The following JAKMIP3 variants were observed in gnomAD, a reference collection of about 807,000 sequenced individuals.
JAKMIP3 encodes the protein Janus kinase and microtubule interacting protein 3.
JAKMIP3 carries 58 observed loss-of-function variants against 118.5 expected under a neutral mutation model. That is an observed-to-expected ratio of 0.49 (90% confidence interval 0.40 to 0.61). The LOEUF is 0.61. JAKMIP3 is among the 20% of genes least tolerant of loss of function. The pLI, the probability that JAKMIP3 is intolerant of heterozygous loss-of-function variation, is 0.00. For missense variants in JAKMIP3, 950 were observed against 1,109.0 expected, an observed-to-expected ratio of 0.86 and a Z score of 2.04; for synonymous variants, 486 against 451.2, an observed-to-expected ratio of 1.08 and a Z score of -0.98.
intron 3 of JAKMIP3, 98 bp from the exon 4 acceptor site, chr10:132,133,214 T>A (rs773828778): frequency 9.3e-6 from 10 of 1,070,952 alleles, no homozygotes; most frequent in Non-Finnish European, 1.4e-5. Flanking sequence ...TTGCTTCCGG[T>A]CTCAGAGCCC....
Position 132,117,616 on chromosome 10 carries a change from G to A in JAKMIP3, c.633+42G>A. On this transcript the variant is annotated intron_variant, in intron 3 of 23. Coordinates refer to ENST00000684848, the MANE Select transcript of JAKMIP3 (RefSeq NM_001323087.2). This position sits in a 1 kb window ranked among gnomAD's most constrained non-coding sequence, Gnocchi z 8.6. ...GGGCGGGCGTGGGCGAGGGTGCAGG[G>A]GCGGGCGTGGGCGAGGGTGCAGGGG... 1 of 1,081,200 alleles carries A rather than the reference G, an allele frequency of 9.2e-7. No homozygotes were observed. Among genetic ancestry groups the A allele is most frequent in the African/African-American group, 1.5e-5 (1 of 66,580 alleles). 67.0% of individuals were successfully genotyped at this position (1,081,200 alleles called of 1,614,324 possible).
chr10:132,138,204 C>A (rs779413195), intron 9 of JAKMIP3, 26 bp downstream of exon 9: 24 of 1,584,522 alleles, frequency 1.5e-5, no homozygotes, highest in South Asian at 2.3e-5. Flanking sequence ...CCGGCACGTG[C>A]GGAGAGTACG....
intron 2 of JAKMIP3, among the ~76,000 whole-genome samples, chr10:132,106,472 T>C (rs1315779211): frequency 6.6e-6 from 1 of 152,160 alleles, no homozygotes; most frequent in Non-Finnish European, 1.5e-5. Context: ...CCTCCTGCCA[T>C]GAGTCCCTCC....
intron 3 of JAKMIP3, among the ~76,000 whole-genome samples, chr10:132,119,714 T>C (rs1589859558): frequency 6.6e-6 from 1 of 152,378 alleles, no homozygotes; most frequent in East Asian, 1.9e-4. Flanking sequence ...TTCAGAATCA[T>C]CTTTGCTGTA....
intron 2 of JAKMIP3, among the ~76,000 whole-genome samples, chr10:132,113,404 T>C (rs2047160792): frequency 6.6e-6 from 1 of 152,182 alleles, no homozygotes; most frequent in Admixed American, 6.5e-5. Context: ...ACTCCACTGT[T>C]AGAAAAAGCG....
At chr10:132,063,998 C>A (rs4880315), upstream of JAKMIP3, among the ~76,000 whole-genome samples, 114,527 of 152,156 alleles carry the variant, frequency 0.75, 43,556 homozygotes, top group East Asian at 1. Flanking sequence ...CATACGATAC[C>A]AGCTTTTTTA....
chr10:132,159,647 CCTCTCCCTGTGTGATGCTGGGGGGT>C (rs1564981809), intron 19 of JAKMIP3, among the ~76,000 whole-genome samples: 8 of 41,994 alleles, frequency 1.9e-4, no homozygotes, highest in Admixed American at 1.3e-3. Flanking sequence ...TGCTGGGGGG[CCTCTCCCTGTGTGATGCTGGGGGGT>C]CCTCTCCCTA....
chr10:132,078,100 C>T (rs11146147), intron 1 of JAKMIP3, among the ~76,000 whole-genome samples: 2 of 152,242 alleles, frequency 1.3e-5, no homozygotes, highest in African/African-American at 2.4e-5. Flanking sequence ...GTGTGAGCCA[C>T]CTCACCCAGC....
At chr10:132,129,927 GACC>G (rs1474315887) in intron 3 of JAKMIP3, among the ~76,000 whole-genome samples, 10 of 144,630 alleles carry the variant, frequency 6.9e-5, no homozygotes, top group African/African-American at 2.6e-4. Context: ...TCCAGCACGA[GACC>G]ACCAAGCTTG....
At chr10:132,074,644 T>G (rs1359420575) in intron 1 of JAKMIP3, among the ~76,000 whole-genome samples, 1 of 152,252 alleles carries the variant, frequency 6.6e-6, no homozygotes, top group African/African-American at 2.4e-5. Flanking sequence ...CTGTCTACTC[T>G]GTCAATCGTT....
At position 132,167,130 on chromosome 10, in the gene JAKMIP3, C is replaced by T. The variant is rs1434171074; in HGVS notation, c.*22+75C>T. On this transcript the variant is annotated intron_variant, in intron 22 of 23. Coordinates refer to ENST00000684848, the MANE Select transcript of JAKMIP3 (RefSeq NM_001323087.2). ...GAAGACTCCTCTGCCCCTGCCCTGCCAGGGAGTTGCCCACCTGCCATTCGA... is the reference window on the plus strand; with the variant it reads ...GAAGACTCCTCTGCCCCTGCCCTGCTAGGGAGTTGCCCACCTGCCATTCGA... 4.9e-6 allele frequency: 5 copies of T among 1,030,360 alleles called. No individual in the cohort carries two copies. The East Asian group carries it at 1.3e-4, about 27-fold the overall frequency. The allele number at this position is 1,030,360 out of a possible 1,614,324, so 63.8% of individuals were successfully genotyped here.
intron 11 of JAKMIP3, among the ~76,000 whole-genome samples, chr10:132,142,813 G>C (rs1396892337): frequency 2.0e-5 from 3 of 152,226 alleles, no homozygotes; most frequent in African/African-American, 7.2e-5. Context: ...AGAGCAGGCA[G>C]CTGTGGGGTG....
intron 1 of JAKMIP3, among the ~76,000 whole-genome samples, chr10:132,078,570 C>T (rs57090962): frequency 1.4e-5 from 2 of 146,710 alleles, no homozygotes; most frequent in Admixed American, 6.9e-5. Flanking sequence ...CCATTCCCTG[C>T]GCATAACACG....
chr10:132,117,204 A>G lies in JAKMIP3; in HGVS notation c.263A>G (p.Gln88Arg), dbSNP rs1334636271. Residue 88 changes from glutamine (Q) to arginine (R), a missense_variant, in exon 3 of 24, where the codon CAG (glutamine) becomes CGG (arginine). Physicochemically the swap from Gln to Arg is conservative, Grantham distance 43 (BLOSUM62 1). Coordinates refer to ENST00000684848, the MANE Select transcript of JAKMIP3 (RefSeq NM_001323087.2). This position sits in a 1 kb window ranked among gnomAD's most constrained non-coding sequence, Gnocchi z 8.6. ...KLHEEKMKEL[Q>R]AVRETLLRQH... is the part of the protein sequence containing the mutation. ...CACGAGGAGAAGATGAAGGAGCTAC[A>G]GGCTGTGCGTGAGACGCTGCTGCGG... 2 of 1,613,998 alleles carry G rather than the reference A, an allele frequency of 1.2e-6. No individual in the cohort carries two copies. The highest frequency in any genetic ancestry group is 1.7e-6 in the Non-Finnish European group (2 of 1,179,898).
intron 1 of JAKMIP3, among the ~76,000 whole-genome samples, chr10:132,073,785 A>C (rs2040354940): frequency 6.6e-6 from 1 of 152,160 alleles, no homozygotes; most frequent in African/African-American, 2.4e-5. Flanking sequence ...GGTGTGAGCC[A>C]CCACACCTGG....
intron 2 of JAKMIP3, among the ~76,000 whole-genome samples, chr10:132,113,212 A>G (rs2047134445): frequency 6.6e-6 from 1 of 152,202 alleles, no homozygotes; most frequent in Non-Finnish European, 1.5e-5. Flanking sequence ...TAGCAGTATT[A>G]TTTAAGGACA....
intron 23 of JAKMIP3, among the ~76,000 whole-genome samples, chr10:132,182,105 G>C (rs2061549375): frequency 6.6e-6 from 1 of 152,252 alleles, no homozygotes; most frequent in Non-Finnish European, 1.5e-5. Context: ...TTTGTGAGGA[G>C]CATGGACTCA....
intron 1 of JAKMIP3, among the ~76,000 whole-genome samples, chr10:132,084,491 A>C (rs1357274697): frequency 6.6e-6 from 1 of 152,220 alleles, no homozygotes; most frequent in African/African-American, 2.4e-5. Context: ...AAACAGTGAC[A>C]ATTCGACTTC....
Position 132,118,866 on chromosome 10 carries a change from C to T in JAKMIP3, c.633+1292C>T, listed in dbSNP as rs576094929. ...GTGACACGATGCTTGCTTTTCTGTG[C>T]GGGGAAGGAAGGAAGCGTTGCCACT... On this transcript the variant is annotated intron_variant, in intron 3 of 23. Transcript: ENST00000684848. This position sits in a 1 kb window ranked among gnomAD's most constrained non-coding sequence, Gnocchi z 4.8. Among the ~76,000 whole-genome samples the T allele has an allele frequency of 9.2e-5, 14 of 152,240 alleles. No homozygotes were observed. The East Asian group carries it at 1.9e-3, about 21-fold the overall frequency.
Sources: allele counts gnomAD v4.1 joint callset (sites outside exome capture counted in the v4.1 genomes callset), GRCh38; gene constraint gnomAD v4.1.1; non-coding constraint Gnocchi (gnomAD v3.1); transcripts MANE v1.5; gene names NCBI Gene and HGNC (gene_info 2026-07-23, HGNC 2026-07-21).